Variants in ALK observed in about 807,000 individuals in gnomAD.
ALK encodes ALK receptor tyrosine kinase.
In ALK, 74 loss-of-function variants were observed where a neutral mutation model predicts 163.1. The ratio of observed to expected loss-of-function variants is 0.45; its 90% CI spans 0.38 to 0.55. The LOEUF is 0.55. ALK is among the 20% of genes least tolerant of loss of function. The probability of loss-of-function intolerance (pLI) is 0.00; values close to 1 mark genes in which losing one functional copy is unlikely to be tolerated. For synonymous variants in ALK, 960 were observed against 843.2 expected (o/e 1.14, Z -2.40); for missense variants, 2,063 against 2,105.3 (o/e 0.98, Z 0.39).
At chr2:29,462,992 A>C (rs1030665800) in intron 4 of ALK, among the ~76,000 whole-genome samples, 5 of 152,190 alleles carry the variant, frequency 3.3e-5, no homozygotes, top group Non-Finnish European at 7.4e-5. Flanking sequence ...AAATCCTATA[A>C]AATGGGAATA....
At chr2:29,239,640 GAC>G in intron 13 of ALK, 38 bp downstream of exon 13, 1 of 1,611,734 alleles carries the variant, frequency 6.2e-7, no homozygotes, top group South Asian at 1.1e-5. Flanking sequence ...CCCGGGGCCT[GAC>G]AGAGTGCAGA....
chr2:29,391,820 C>T (rs1411861088), intron 4 of ALK, among the ~76,000 whole-genome samples: 1 of 152,104 alleles, frequency 6.6e-6, no homozygotes, highest in Admixed American at 6.5e-5. Context: ...TTGAGTTCCA[C>T]ACCTACTGAG....
At chr2:29,418,684 C>G (rs1669941939) in intron 4 of ALK, among the ~76,000 whole-genome samples, 2 of 152,178 alleles carry the variant, frequency 1.3e-5, no homozygotes, top group Non-Finnish European at 2.9e-5. Context: ...AGGATAATGG[C>G]CTCCAGTTCC....
At chr2:29,255,199 G>A (rs1321116954) in intron 11 of ALK, among the ~76,000 whole-genome samples, 1 of 152,180 alleles carries the variant, frequency 6.6e-6, no homozygotes, top group Non-Finnish European at 1.5e-5. Flanking sequence ...TGGAGTTTCT[G>A]AGTGTATTGC....
chr2:29,532,429 A>C (rs1350128856), intron 3 of ALK, among the ~76,000 whole-genome samples: 1 of 152,184 alleles, frequency 6.6e-6, no homozygotes, highest in African/African-American at 2.4e-5. Context: ...ACAGGAATAA[A>C]AACATCTATT....
chr2:29,856,240 C>T (rs781576166), intron 1 of ALK, among the ~76,000 whole-genome samples: 2 of 152,264 alleles, frequency 1.3e-5, no homozygotes, highest in South Asian at 4.1e-4. Context: ...CTTAACAGGG[C>T]CCTAGCTCTC....
At chr2:29,416,304 C>G (rs1669875595) in intron 4 of ALK, among the ~76,000 whole-genome samples, 1 of 152,162 alleles carries the variant, frequency 6.6e-6, no homozygotes, top group East Asian at 1.9e-4. Flanking sequence ...GCAAATTCAA[C>G]AAGAAGCCAG....
chr2:29,360,560 G>T (rs1023796659), intron 5 of ALK, among the ~76,000 whole-genome samples: 1 of 152,114 alleles, frequency 6.6e-6, no homozygotes, highest in Admixed American at 6.5e-5. Flanking sequence ...GATTTATTGG[G>T]CATCTTTCCC....
intron 2 of ALK, among the ~76,000 whole-genome samples, chr2:29,700,444 T>G (rs1244234678): frequency 6.6e-6 from 1 of 152,146 alleles, no homozygotes; most frequent in Non-Finnish European, 1.5e-5. Context: ...CTTGGGAGGC[T>G]GAGGCAGGAG....
intron 8 of ALK, among the ~76,000 whole-genome samples, chr2:29,300,843 G>A (rs1666348306): frequency 6.6e-6 from 1 of 152,150 alleles, no homozygotes; most frequent in South Asian, 2.1e-4. Flanking sequence ...GAGGTTGGGT[G>A]GAGAACTAGA....
At chr2:29,370,255 C>T (rs779316715) in intron 5 of ALK, among the ~76,000 whole-genome samples, 2 of 152,216 alleles carry the variant, frequency 1.3e-5, no homozygotes, top group Non-Finnish European at 2.9e-5. Context: ...TCTCCTGGAT[C>T]TCTGGGTAGT....
intron 5 of ALK, among the ~76,000 whole-genome samples, chr2:29,348,031 T>A (rs541448887): frequency 3.9e-5 from 6 of 152,338 alleles, no homozygotes; most frequent in African/African-American, 1.4e-4. Flanking sequence ...AGGGGTTTGC[T>A]GTGTCTTATT....
At chr2:29,220,341 G>T (rs1486463390) in intron 23 of ALK, among the ~76,000 whole-genome samples, 4 of 151,948 alleles carry the variant, frequency 2.6e-5, no homozygotes, top group African/African-American at 9.7e-5. Context: ...TGCAATGATT[G>T]TAAGTTTCCT....
chr2:29,641,625 A>C (rs905139720), intron 3 of ALK, among the ~76,000 whole-genome samples: 7 of 152,124 alleles, frequency 4.6e-5, no homozygotes. Context: ...TACCACCACC[A>C]CCACCACCCC....
chr2:29,794,074 T>C (rs1054570478), intron 1 of ALK, among the ~76,000 whole-genome samples: 1 of 152,202 alleles, frequency 6.6e-6, no homozygotes, highest in Non-Finnish European at 1.5e-5. Flanking sequence ...AGTTTGATGG[T>C]TTAGTGTAGC....
At chr2:29,835,126 T>G (rs1239418650) in intron 1 of ALK, among the ~76,000 whole-genome samples, 2 of 152,208 alleles carry the variant, frequency 1.3e-5, no homozygotes, top group African/African-American at 4.8e-5. Flanking sequence ...AGCAAAAGGC[T>G]GAGTATCCTG....
At chr2:29,231,313 G>C (rs756277751) in intron 15 of ALK, among the ~76,000 whole-genome samples, 5 of 152,216 alleles carry the variant, frequency 3.3e-5, no homozygotes, top group Non-Finnish European at 4.4e-5. Context: ...CTCCAGCCTG[G>C]TGACAGAGCG....
intron 9 of ALK, among the ~76,000 whole-genome samples, chr2:29,281,006 T>C (rs1422574859): frequency 2.0e-5 from 3 of 151,564 alleles, no homozygotes; most frequent in African/African-American, 7.3e-5. Context: ...AGGTGATCCA[T>C]TCTGGGATTG....
rs553565162 is a variant in ALK, at chr2:29,583,719, C to T, written c.953-51603G>A. On this transcript the variant is annotated intron_variant, in intron 3 of 28. Transcript: ENST00000389048. ...TGTCATTTGTCCCATCTCTTGCAGT[C>T]ACACTCACCTGATGAACCAGATAAG... Among the ~76,000 whole-genome samples, 9 of 152,274 alleles carry T rather than the reference C, an allele frequency of 5.9e-5. No individual in the cohort carries two copies. In the South Asian group the frequency reaches 1.9e-3, roughly 32 times the overall value.
Sources: gnomAD v4.1 joint callset for allele counts (sites outside exome capture counted in the v4.1 genomes callset) on GRCh38, gnomAD v4.1.1 for gene constraint, MANE v1.5 for transcripts, NCBI Gene and HGNC (gene_info 2026-07-23, HGNC 2026-07-21) for gene names.